MYLK: variants seen among roughly 807,000 people sequenced by gnomAD.
MYLK encodes myosin light chain kinase, smooth muscle.
Under a neutral mutation model 203.4 loss-of-function variants are expected in MYLK, and 106 were observed. The ratio of observed to expected loss-of-function variants is 0.52; its 90% CI spans 0.45 to 0.61. MYLK has a LOEUF of 0.61. Ranked by LOEUF, MYLK falls within the 20% of genes least tolerant of loss-of-function variation. MYLK has a pLI of 0.00. For missense variants in MYLK, 2,072 were observed against 2,442.3 expected, an observed-to-expected ratio of 0.85 and a Z score of 3.20; for synonymous variants, 867 against 959.5, an observed-to-expected ratio of 0.90 and a Z score of 1.78.
At chr3:123,681,917 T>G in intron 20 of MYLK, 1 of 426,256 alleles carries the variant, frequency 2.3e-6, no homozygotes, top group Non-Finnish European at 4.4e-6. Flanking sequence ...TCTCCTAGAG[T>G]CTTGGTGGGA....
chr3:123,668,374 A>C (rs1483888474), intron 20 of MYLK, among the ~76,000 whole-genome samples: 2 of 152,132 alleles, frequency 1.3e-5, no homozygotes, highest in African/African-American at 4.8e-5. Context: ...AATCTCAATG[A>C]TTTCTCTTTT....
chr3:123,746,443 G>T (rs530230806), intron 5 of MYLK, among the ~76,000 whole-genome samples: 1 of 152,174 alleles, frequency 6.6e-6, no homozygotes, highest in South Asian at 2.1e-4. Flanking sequence ...AAAAAGGAGG[G>T]AGCATCAGTA....
intron 3 of MYLK, among the ~76,000 whole-genome samples, chr3:123,796,523 T>G (rs554289964): frequency 6.6e-6 from 1 of 152,122 alleles, no homozygotes; most frequent in South Asian, 2.1e-4. Flanking sequence ...ATCAACAACA[T>G]TAGAAGATGG....
chr3:123,736,756 A>T (rs1450276492), intron 8 of MYLK, among the ~76,000 whole-genome samples: 1 of 152,226 alleles, frequency 6.6e-6, no homozygotes, highest in African/African-American at 2.4e-5. Flanking sequence ...GCAAGACGTT[A>T]GCAACATTCA....
chr3:123,639,103 C>A (rs2058743170), intron 28 of MYLK: 1 of 978,456 alleles, frequency 1.0e-6, no homozygotes, highest in African/African-American at 1.8e-5. Flanking sequence ...ACATTGTGTT[C>A]CCTGGGCTCT....
chr3:123,692,932 ACT>A, intron 18 of MYLK, 81 bp from the exon 19 acceptor site: 1 of 1,232,190 alleles, frequency 8.1e-7, no homozygotes, highest in Non-Finnish European at 1.2e-6. Flanking sequence ...GGTGAGTGTT[ACT>A]CGCACGGGCA....
In MYLK at chr3:123,737,430, C is replaced by G; in HGVS notation, c.702G>C (p.Leu234=). The change falls in exon 8 of 34, where the codon CTG becomes CTC. Residue 234 remains leucine (L), a synonymous_variant. Transcript: ENST00000360304. ...NQDDVGVYTC[L]VVNGSGKASM... ...AGGCCTTCCCCGACCCGTTCACCAC[C>G]AGGCACGTGTACACTCCCACGTCAT... 1 of 1,614,182 alleles carries G rather than the reference C, an allele frequency of 6.2e-7. No homozygotes were observed.
chr3:123,740,940 T>C (rs569863790), intron 5 of MYLK, among the ~76,000 whole-genome samples: 1 of 152,314 alleles, frequency 6.6e-6, no homozygotes, highest in Admixed American at 6.5e-5. Flanking sequence ...GGAGGGACAA[T>C]TCACAATGTC....
At chr3:123,822,552 C>A (rs1414622609) in intron 3 of MYLK, among the ~76,000 whole-genome samples, 1 of 152,168 alleles carries the variant, frequency 6.6e-6, no homozygotes. Context: ...GTAAAGAATC[C>A]CACTGCTGCA....
chr3:123,871,534 A>G (rs959890778), intron 2 of MYLK, among the ~76,000 whole-genome samples: 27 of 152,232 alleles, frequency 1.8e-4, no homozygotes, highest in African/African-American at 6.5e-4. Context: ...ATAAGTTAAT[A>G]TTATGAACAT....
At position 123,739,937 on chromosome 3, in the gene MYLK, A is replaced by C; in HGVS notation, c.422+16T>G. 1 of 1,613,824 alleles carries C rather than the reference A, an allele frequency of 6.2e-7. No individual in the cohort carries two copies. Among genetic ancestry groups the C allele is most frequent in the Non-Finnish European group, 8.5e-7 (1 of 1,179,722 alleles). ...GCAATCCAACCCTTACTCTGTCTTG[A>C]ACATCCAGGACTTACCCTAAGGTTT... On this transcript the variant is annotated intron_variant, in intron 6 of 33. Transcript: ENST00000360304.
chr3:123,811,503 G>A (rs2065560035), intron 3 of MYLK, among the ~76,000 whole-genome samples: 1 of 152,128 alleles, frequency 6.6e-6, no homozygotes, highest in South Asian at 2.1e-4. Flanking sequence ...AGCTAATGGG[G>A]CATTGACCTG....
intron 20 of MYLK, among the ~76,000 whole-genome samples, chr3:123,675,298 G>A (rs2060037429): frequency 6.6e-6 from 1 of 152,196 alleles, no homozygotes; most frequent in Non-Finnish European, 1.5e-5. Context: ...GGAAACCTGG[G>A]GCAGGGGTGG....
At chr3:123,743,413 C>CAA (rs1397182070) in intron 5 of MYLK, among the ~76,000 whole-genome samples, 1 of 151,876 alleles carries the variant, frequency 6.6e-6, no homozygotes, top group Non-Finnish European at 1.5e-5. Context: ...CACATCAAGA[C>CAA]AAAAAGAATT....
chr3:123,858,908 T>C (rs1213593423), intron 2 of MYLK, among the ~76,000 whole-genome samples: 1 of 152,232 alleles, frequency 6.6e-6, no homozygotes, highest in African/African-American at 2.4e-5. Context: ...CCAGGAGAGC[T>C]GTGTGCTTAC....
At chr3:123,856,011 T>C (rs1046937868) in intron 2 of MYLK, among the ~76,000 whole-genome samples, 1 of 152,216 alleles carries the variant, frequency 6.6e-6, no homozygotes. Flanking sequence ...CAGTGAATAC[T>C]GCAATTTGTT....
At chr3:123,624,632 C>A (rs534588677) in intron 31 of MYLK, 25 of 152,386 alleles carry the variant, frequency 1.6e-4, no homozygotes, top group African/African-American at 6.0e-4. Context: ...ATTATTAATA[C>A]AGCTGACTTT....
chr3:123,673,785 G>T (rs2059992447), intron 20 of MYLK, among the ~76,000 whole-genome samples: 1 of 152,158 alleles, frequency 6.6e-6, no homozygotes, highest in Admixed American at 6.6e-5. Flanking sequence ...GCCAGTCAGA[G>T]AGGAACATCC....
At chr3:123,615,528 T>A (rs2057432250) in intron 33 of MYLK, among the ~76,000 whole-genome samples, 1 of 151,700 alleles carries the variant, frequency 6.6e-6, no homozygotes, top group Non-Finnish European at 1.5e-5. Flanking sequence ...GAGACAGGGT[T>A]TCAGCATGTT....
Sources: gnomAD v4.1 joint callset for allele counts (sites outside exome capture counted in the v4.1 genomes callset) on GRCh38, gnomAD v4.1.1 for gene constraint, MANE v1.5 for transcripts, NCBI Gene and HGNC (gene_info 2026-07-23, HGNC 2026-07-21) for gene names.